The following DISC1 variants were observed in gnomAD, a reference collection of about 807,000 sequenced individuals.
The protein encoded by DISC1 is DISC1 scaffold protein, also known as disrupted in schizophrenia 1 protein.
Under a neutral mutation model 84.5 loss-of-function variants are expected in DISC1, and 57 were observed. The ratio of observed to expected loss-of-function variants is 0.67; its 90% CI spans 0.55 to 0.84. The LOEUF (loss-of-function observed/expected upper bound fraction) is 0.84. Among genes scored for constraint, DISC1 ranks in the 40% least tolerant of loss-of-function variants. The probability of loss-of-function intolerance (pLI) is 0.00; values close to 1 mark genes in which losing one functional copy is unlikely to be tolerated. For missense variants in DISC1, 1,000 were observed against 1,057.8 expected, an observed-to-expected ratio of 0.95 and a Z score of 0.76; for synonymous variants, 411 against 415.2, an observed-to-expected ratio of 0.99 and a Z score of 0.12.
At chr1:231,771,241 C>A (rs2076532149) in intron 6 of DISC1, 171 bp downstream of exon 6, 1 of 984,972 alleles carries the variant, frequency 1.0e-6, no homozygotes, top group Non-Finnish European at 1.2e-6. Context: ...GTGGGGCAGT[C>A]CTGAACATTG....
chr1:231,810,262 G>T (rs2080168355), intron 8 of DISC1, among the ~76,000 whole-genome samples: 1 of 152,208 alleles, frequency 6.6e-6, no homozygotes, highest in African/African-American at 2.4e-5. Flanking sequence ...GTCTGCAGCT[G>T]CAGGGAAGCA....
intron 9 of DISC1, among the ~76,000 whole-genome samples, chr1:231,831,174 A>T (rs2082195699): frequency 6.6e-6 from 1 of 152,182 alleles, no homozygotes; most frequent in South Asian, 2.1e-4. Context: ...AGTCCTGGGC[A>T]GGGGCAAATC....
At chr1:231,634,857 G>A (rs1437712865) in intron 1 of DISC1, among the ~76,000 whole-genome samples, 1 of 151,832 alleles carries the variant, frequency 6.6e-6, no homozygotes, top group African/African-American at 2.4e-5. Context: ...GTGGCAGTGC[G>A]CTATGCTTGT....
chr1:231,960,828 C>G (rs975800488), intron 10 of DISC1, among the ~76,000 whole-genome samples: 4 of 152,236 alleles, frequency 2.6e-5, no homozygotes, highest in Admixed American at 2.0e-4. Flanking sequence ...CTTACAATGC[C>G]AATGGCAAGC....
Position 231,773,593 on chromosome 1 carries a change from C to T in DISC1, c.1634+2523C>T, listed in dbSNP as rs189321164. On this transcript the variant is annotated intron_variant, in intron 6 of 12. Coordinates refer to ENST00000439617, the MANE Select transcript of DISC1 (RefSeq NM_018662.3). ...TAGAGACAGGGTTTCACCATGTTAG[C>T]CAGGATGGTCTTAATTTCCTGACCT... Among the ~76,000 whole-genome samples, 205 of 152,190 alleles carry T rather than the reference C, an allele frequency of 1.3e-3. 1 individual carries two copies. The highest frequency in any genetic ancestry group is 2.7e-3 in the African/African-American group (114 of 41,542).
chr1:231,811,578 A>G (rs2080298187), intron 8 of DISC1, among the ~76,000 whole-genome samples: 1 of 152,232 alleles, frequency 6.6e-6, no homozygotes, highest in African/African-American at 2.4e-5. Context: ...GAAAGTAGAT[A>G]ATCTTAGGAG....
intron 11 of DISC1, among the ~76,000 whole-genome samples, chr1:232,019,559 C>A (rs1318518061): frequency 2.0e-5 from 3 of 152,108 alleles, no homozygotes; most frequent in Non-Finnish European, 4.4e-5. Flanking sequence ...ATCAGTCTTG[C>A]AGGCTTTCTC....
At chr1:232,017,247 A>C (rs1668564468) in intron 11 of DISC1, among the ~76,000 whole-genome samples, 3 of 152,206 alleles carry the variant, frequency 2.0e-5, no homozygotes. Flanking sequence ...AGCTAAGCTC[A>C]TGGATGGGGG....
At chr1:231,846,979 G>A (rs11810076) in intron 9 of DISC1, among the ~76,000 whole-genome samples, 1 of 152,196 alleles carries the variant, frequency 6.6e-6, no homozygotes, top group African/African-American at 2.4e-5. Context: ...AGAAGTACAG[G>A]AGAATTTGCT....
rs150474965 is a variant in DISC1 at position 231,672,204 on chromosome 1, A to G, written c.68-21622A>G. On this transcript the variant is annotated intron_variant, in intron 1 of 12. Transcript: ENST00000439617. ...TCAATCTTTGATCTTCAGTAAGTCC[A>G]TGATTTCTCAAGGTCTATTGAGTAT... 8.7e-3 allele frequency among the ~76,000 whole-genome samples: 1,322 copies of G among 152,266 alleles called. 10 individuals are homozygous for G. The highest frequency in any genetic ancestry group is 0.023 in the South Asian group (110 of 4,828).
At chr1:232,002,809 A>G (rs1666882586) in intron 10 of DISC1, among the ~76,000 whole-genome samples, 1 of 152,182 alleles carries the variant, frequency 6.6e-6, no homozygotes, top group Non-Finnish European at 1.5e-5. Context: ...GATTCATGTG[A>G]TAATTGAATT....
In DISC1 at chr1:231,954,940, G is replaced by A. The variant is rs1405300819; in HGVS notation, c.1982-3888G>A. Among the ~76,000 whole-genome samples the A allele has an allele frequency of 6.6e-6, 1 of 152,120 alleles. No homozygotes were observed. The highest frequency in any genetic ancestry group is 1.5e-5 in the Non-Finnish European group (1 of 68,024). ...ATTCTCCTTAGATGGCAGCCTCCAG[G>A]CAAGAAGAAAAGCCCATGGCTTTGC... On this transcript the variant is annotated intron_variant, in intron 9 of 12. Coordinates refer to ENST00000439617, the MANE Select transcript of DISC1 (RefSeq NM_018662.3). This position sits in a 1 kb window ranked among gnomAD's most constrained non-coding sequence, Gnocchi z 4.8.
intron 2 of DISC1, among the ~76,000 whole-genome samples, chr1:231,700,155 T>C (rs146417804): frequency 1.9e-3 from 286 of 152,320 alleles, no homozygotes; most frequent in African/African-American, 6.7e-3. Flanking sequence ...TTTCATAGCA[T>C]TAATCACTTG....
chr1:231,641,413 G>C (rs1366669231), intron 1 of DISC1, among the ~76,000 whole-genome samples: 1 of 152,074 alleles, frequency 6.6e-6, no homozygotes, highest in Admixed American at 6.5e-5. Context: ...GGAGTCGTTC[G>C]TTCCTCCTTG....
intron 1 of DISC1, among the ~76,000 whole-genome samples, chr1:231,677,247 G>C (rs140276836): frequency 7.9e-5 from 12 of 152,138 alleles, no homozygotes; most frequent in Admixed American, 4.6e-4. Flanking sequence ...TACTGTCTTA[G>C]GAAGATAAAA....
Position 231,916,768 on chromosome 1 carries a change from A to T in DISC1, c.1982-42060A>T, listed in dbSNP as rs374433318. ...CAATGAGTTTATTCTCCTTGAGAAG[A>T]TAAATTCAGTTTGGCTCCAGTGGCT... is the stretch of plus-strand genomic sequence containing the variant. On this transcript the variant is annotated intron_variant, in intron 9 of 12. Coordinates refer to ENST00000439617, the MANE Select transcript of DISC1 (RefSeq NM_018662.3). Among the ~76,000 whole-genome samples the T allele has an allele frequency of 8.9e-4, 136 of 152,322 alleles. 4 individuals carry two copies. The South Asian group carries it at 0.026, about 29-fold the overall frequency.
chr1:231,873,266 A>C (rs2125960366), intron 9 of DISC1, among the ~76,000 whole-genome samples: 1 of 152,348 alleles, frequency 6.6e-6, no homozygotes, highest in South Asian at 2.1e-4. Context: ...TGCCCCGGTA[A>C]GAGAGGCACA....
intron 3 of DISC1, among the ~76,000 whole-genome samples, chr1:231,745,047 T>A (rs2125291710): frequency 7.1e-6 from 1 of 141,518 alleles, no homozygotes; most frequent in African/African-American, 2.7e-5. Context: ...GTAATTAAAA[T>A]TTTTTTAAAT....
At chr1:231,809,594 C>T (rs544419567) in intron 8 of DISC1, among the ~76,000 whole-genome samples, 22 of 147,684 alleles carry the variant, frequency 1.5e-4, no homozygotes, top group Middle Eastern at 3.8e-3. Flanking sequence ...ACTATCTATA[C>T]CCAAAATGTA....
Sources: gnomAD v4.1 joint callset for allele counts (sites outside exome capture counted in the v4.1 genomes callset) on GRCh38, gnomAD v4.1.1 for gene constraint, Gnocchi (gnomAD v3.1) non-coding constraint, MANE v1.5 for transcripts, NCBI Gene and HGNC (gene_info 2026-07-23, HGNC 2026-07-21) for gene names.